Variants in GALNT18 observed in about 807,000 individuals in gnomAD.
GALNT18 encodes GalNAc-transferase 18.
A neutral mutation model predicts 69.5 loss-of-function variants in GALNT18; 44 were observed. That is an observed-to-expected ratio of 0.63 (90% CI 0.50 to 0.81). The LOEUF is 0.81. Ranked by LOEUF, GALNT18 falls within the 40% of genes least tolerant of loss-of-function variation. GALNT18 has a pLI of 0.00. For synonymous variants in GALNT18, 364 were observed against 318.2 expected (o/e 1.14, Z -1.53); for missense variants, 715 against 810.0 (o/e 0.88, Z 1.42).
intron 3 of GALNT18, among the ~76,000 whole-genome samples, chr11:11,414,265 T>C (rs528318774): frequency 6.6e-6 from 1 of 152,340 alleles, no homozygotes; most frequent in East Asian, 1.9e-4. Flanking sequence ...AAAATGCCCA[T>C]TTGCATACTT....
intron 1 of GALNT18, among the ~76,000 whole-genome samples, chr11:11,522,310 C>T (rs1005890896): frequency 6.6e-6 from 1 of 152,158 alleles, no homozygotes; most frequent in Non-Finnish European, 1.5e-5. Context: ...CTTAAGCTTC[C>T]CTGCATCCCA....
At chr11:11,507,809 C>T (rs1382083910) in intron 1 of GALNT18, among the ~76,000 whole-genome samples, 3 of 152,128 alleles carry the variant, frequency 2.0e-5, no homozygotes, top group Non-Finnish European at 2.9e-5. Context: ...TCCGGGTGGG[C>T]CCCATCTAAT....
rs1205385870 is a variant in GALNT18 at position 11,320,036 on chromosome 11, C to T, written c.1512+7050G>A. Among the ~76,000 whole-genome samples the T allele has an allele frequency of 6.6e-6, 1 of 152,120 alleles. No homozygotes were observed. The highest frequency in any genetic ancestry group is 6.5e-5 in the Admixed American group (1 of 15,268). On this transcript the variant is annotated intron_variant, in intron 9 of 10. Coordinates refer to ENST00000227756, the MANE Select transcript of GALNT18 (RefSeq NM_198516.3). This position sits in a 1 kb window ranked among gnomAD's most constrained non-coding sequence, Gnocchi z 4.9. ...CTTATGCTGCTACAAGCCAAGGGAC[C>T]ACCAACCACCAGCCAATTTCATTAC...
chr11:11,569,445 C>A (rs1858731834), intron 1 of GALNT18, among the ~76,000 whole-genome samples: 1 of 148,666 alleles, frequency 6.7e-6, no homozygotes, highest in African/African-American at 2.5e-5. Flanking sequence ...GCCAACATGT[C>A]CTGGAAACCA....
intron 2 of GALNT18, among the ~76,000 whole-genome samples, chr11:11,437,640 TGCGCTATA>T (rs1855434134): frequency 6.6e-6 from 1 of 151,544 alleles, no homozygotes; most frequent in African/African-American, 2.4e-5. Context: ...CCAAACCTCA[TGCGCTATA>T]GCCAGACACC....
At position 11,555,046 on chromosome 11, in the gene GALNT18, C is replaced by T. The variant is rs968478413; in HGVS notation, c.235+66313G>A. Reference sequence around the variant, plus strand: ...TTGTGGTCTCACTAAATCTTACCAACAACCCAATAAAGTGTCTATCATTTC... The same window carrying T: ...TTGTGGTCTCACTAAATCTTACCAATAACCCAATAAAGTGTCTATCATTTC... On this transcript the variant is annotated intron_variant, in intron 1 of 10. Coordinates refer to ENST00000227756, the MANE Select transcript of GALNT18 (RefSeq NM_198516.3). The surrounding 1 kb of genome is among the most constrained non-coding windows in gnomAD (Gnocchi z 4.7). Among the ~76,000 whole-genome samples, 3 of 152,242 alleles carry T rather than the reference C, an allele frequency of 2.0e-5. No homozygotes were observed. Among genetic ancestry groups the T allele is most frequent in the Non-Finnish European group, 2.9e-5 (2 of 68,038 alleles).
At chr11:11,330,507 G>A (rs570978896) in intron 8 of GALNT18, among the ~76,000 whole-genome samples, 1 of 152,328 alleles carries the variant, frequency 6.6e-6, no homozygotes, top group South Asian at 2.1e-4. Context: ...GGAGGGAGGG[G>A]AGGCTGGCTG....
In GALNT18 at chr11:11,494,362, C is replaced by G. The variant is rs1458302567; in HGVS notation, c.236-45426G>C. Among the ~76,000 whole-genome samples, 2 of 152,284 alleles carry G rather than the reference C, an allele frequency of 1.3e-5. No individual in the cohort carries two copies. Among genetic ancestry groups the G allele is most frequent in the East Asian group, 3.9e-4 (2 of 5,170 alleles). ...CATGTGACCCTGAGAGCCTGCTTCC[C>G]CAGTCTATATTTGCCAGTGGCCATC... On this transcript the variant is annotated intron_variant, in intron 1 of 10. Coordinates refer to ENST00000227756, the MANE Select transcript of GALNT18 (RefSeq NM_198516.3). The surrounding 1 kb of genome is among the most constrained non-coding windows in gnomAD (Gnocchi z 5.7).
chr11:11,580,219 C>T (rs1269782030), intron 1 of GALNT18, among the ~76,000 whole-genome samples: 2 of 152,164 alleles, frequency 1.3e-5, no homozygotes, highest in Non-Finnish European at 2.9e-5. Context: ...CAGTTTGTTC[C>T]CAAGATGCAA....
chr11:11,272,114 A>G lies in GALNT18; in HGVS notation c.1678-824T>C, dbSNP rs548493095. Among the ~76,000 whole-genome samples, 7 of 151,838 alleles carry G rather than the reference A, an allele frequency of 4.6e-5. No individual in the cohort carries two copies. The South Asian group carries it at 8.4e-4, about 18-fold the overall frequency. On this transcript the variant is annotated intron_variant, in intron 10 of 10. Coordinates refer to ENST00000227756, the MANE Select transcript of GALNT18 (RefSeq NM_198516.3). ...GGTGGGTGGAGGTTCTTATAATTGG[A>G]CCCCTTGTAGCTTAATGGCACTTGA...
intron 1 of GALNT18, among the ~76,000 whole-genome samples, chr11:11,594,512 A>G (rs1379621133): frequency 6.6e-6 from 1 of 152,092 alleles, no homozygotes; most frequent in East Asian, 1.9e-4. Flanking sequence ...GGCAACCTCT[A>G]ATCTACTTTC....
chr11:11,532,292 A>T (rs765697870), intron 1 of GALNT18, among the ~76,000 whole-genome samples: 5 of 152,262 alleles, frequency 3.3e-5, no homozygotes, highest in Admixed American at 6.5e-5. Flanking sequence ...GGATTTTACA[A>T]CCATTTCTCC....
rs559463454 is a variant in GALNT18 at position 11,485,010 on chromosome 11, T to C, written c.236-36074A>G. ...CTCTATGAGACCTTGGGCAAGTCAC[T>C]CAACATTTCCAAGCCATCGGTGACA... On this transcript the variant is annotated intron_variant, in intron 1 of 10. Coordinates refer to ENST00000227756, the MANE Select transcript of GALNT18 (RefSeq NM_198516.3). 1.2e-3 allele frequency among the ~76,000 whole-genome samples: 176 copies of C among 152,278 alleles called. 4 individuals are homozygous for C. Among genetic ancestry groups the C allele is most frequent in the African/African-American group, 4.1e-3 (169 of 41,560 alleles).
intron 1 of GALNT18, among the ~76,000 whole-genome samples, chr11:11,481,356 C>T (rs1856525897): frequency 6.6e-6 from 1 of 152,104 alleles, no homozygotes; most frequent in Non-Finnish European, 1.5e-5. Flanking sequence ...GACTCTTGGG[C>T]AAGCATTTGA....
intron 1 of GALNT18, among the ~76,000 whole-genome samples, chr11:11,513,392 G>A (rs184895488): frequency 1.5e-4 from 23 of 152,286 alleles, no homozygotes. Flanking sequence ...ACTCCTGATT[G>A]AATCATTTTG....
chr11:11,447,238 T>G (rs928162654), intron 2 of GALNT18, among the ~76,000 whole-genome samples: 1 of 152,214 alleles, frequency 6.6e-6, no homozygotes, highest in Non-Finnish European at 1.5e-5. Flanking sequence ...AGTACCCTCA[T>G]GGCTTGCTTC....
At chr11:11,594,854 C>CAT (rs376544063) in intron 1 of GALNT18, among the ~76,000 whole-genome samples, 1 of 130,406 alleles carries the variant, frequency 7.7e-6, no homozygotes, top group Non-Finnish European at 1.6e-5. Flanking sequence ...CATATACATA[C>CAT]ATACACACAC....
chr11:11,599,983 G>T (rs1254303824), intron 1 of GALNT18, among the ~76,000 whole-genome samples: 1 of 151,812 alleles, frequency 6.6e-6, no homozygotes, highest in East Asian at 1.9e-4. Flanking sequence ...TATACCTCTT[G>T]ACTCATCCAA....
chr11:11,586,227 T>C lies in GALNT18; in HGVS notation c.235+35132A>G, dbSNP rs112780191. ...AACAAATTGTACCAAGAGTCTGTAG[T>C]TCTTTTTCACAAAAAGTGTGCTACT... On this transcript the variant is annotated intron_variant, in intron 1 of 10. Transcript: ENST00000227756. This position sits in a 1 kb window ranked among gnomAD's most constrained non-coding sequence, Gnocchi z 4.1. 0.018 allele frequency among the ~76,000 whole-genome samples: 2,750 copies of C among 152,312 alleles called. 76 individuals are homozygous for C. Among genetic ancestry groups the C allele is most frequent in the African/African-American group, 0.062 (2,579 of 41,558 alleles).
Sources: gnomAD v4.1 joint callset for allele counts (sites outside exome capture counted in the v4.1 genomes callset) on GRCh38, gnomAD v4.1.1 for gene constraint, Gnocchi (gnomAD v3.1) non-coding constraint, MANE v1.5 for transcripts, NCBI Gene and HGNC (gene_info 2026-07-23, HGNC 2026-07-21) for gene names.